KHDRBS3: variants seen among roughly 807,000 people sequenced by gnomAD.
The protein encoded by KHDRBS3 is KH domain-containing, RNA-binding, signal transduction-associated protein 3.
A neutral mutation model predicts 45.6 loss-of-function variants in KHDRBS3; 23 were observed. That is an observed-to-expected ratio of 0.50 (90% confidence interval 0.36 to 0.72). The LOEUF (loss-of-function observed/expected upper bound fraction) is 0.72. KHDRBS3 is among the 30% of genes least tolerant of loss of function. The pLI is 0.00. For synonymous variants in KHDRBS3, 162 were observed against 156.5 expected (o/e 1.04, Z -0.26); for missense variants, 352 against 424.8 (o/e 0.83, Z 1.51).
chr8:135,490,976 T>G (rs1452453094), intron 1 of KHDRBS3, among the ~76,000 whole-genome samples: 1 of 152,202 alleles, frequency 6.6e-6, no homozygotes. Context: ...GTCAGAGATA[T>G]GGGTGTTTCT....
intron 5 of KHDRBS3, among the ~76,000 whole-genome samples, chr8:135,579,447 C>T (rs1051084664): frequency 6.6e-6 from 1 of 152,190 alleles, no homozygotes; most frequent in Non-Finnish European, 1.5e-5. Context: ...AAGTAATTCT[C>T]ATGCCTCAGC....
intron 7 of KHDRBS3, among the ~76,000 whole-genome samples, chr8:135,626,808 A>AAAAG (rs1439527767): frequency 0.013 from 1,355 of 106,552 alleles, 20 homozygotes; most frequent in African/African-American, 0.06. Context: ...CGTCTCAAAA[A>AAAAG]AAAAAAAAAA....
intron 5 of KHDRBS3, among the ~76,000 whole-genome samples, chr8:135,576,068 A>T (rs529580931): frequency 4.6e-4 from 70 of 152,186 alleles, no homozygotes; most frequent in Middle Eastern, 6.8e-3. Context: ...GATTTGTCAG[A>T]TTTGTTTTCA....
chr8:135,492,615 G>C (rs547636667), intron 1 of KHDRBS3, among the ~76,000 whole-genome samples: 1 of 151,808 alleles, frequency 6.6e-6, no homozygotes, highest in Admixed American at 6.6e-5. Context: ...CCATATGTGT[G>C]TGGATCTGAT....
intron 2 of KHDRBS3, among the ~76,000 whole-genome samples, chr8:135,528,728 C>G (rs996523700): frequency 9.2e-5 from 14 of 152,162 alleles, no homozygotes; most frequent in Admixed American, 2.6e-4. Flanking sequence ...AATCTAAGAT[C>G]AAGCCACCTG....
At chr8:135,645,291 G>A (rs4373553) in intron 8 of KHDRBS3, among the ~76,000 whole-genome samples, 174 bp downstream of exon 8, 100,688 of 152,066 alleles carry the variant, frequency 0.66, 33,978 homozygotes, top group East Asian at 0.96. Context: ...ATAAATATTT[G>A]AAGAGGACTA....
At chr8:135,618,828 T>C (rs2131077638) in intron 7 of KHDRBS3, among the ~76,000 whole-genome samples, 1 of 152,342 alleles carries the variant, frequency 6.6e-6, no homozygotes, top group East Asian at 1.9e-4. Flanking sequence ...TGAGAGAATA[T>C]ACTTGAACAG....
chr8:135,630,553 C>T, intron 7 of KHDRBS3, among the ~76,000 whole-genome samples: 1 of 148,994 alleles, frequency 6.7e-6, no homozygotes, highest in Non-Finnish European at 1.5e-5. Context: ...GAAATGCATC[C>T]TTAGGTAATT....
chr8:135,457,618 C>G lies in KHDRBS3; in HGVS notation c.-249C>G, dbSNP rs1821170410. The G allele has an allele frequency of 6.8e-6, 1 of 147,002 alleles. No individual in the cohort carries two copies. The highest frequency in any genetic ancestry group is 1.5e-5 in the Non-Finnish European group (1 of 66,028). 9.1% of individuals were successfully genotyped at this position (147,002 alleles called of 1,614,324 possible). ...CGCGCCGCCCGCGCCCGCTCCTCCT[C>G]GGCCCGCGCCCGGAGCGCGGGGGCC... is the stretch of plus-strand genomic sequence containing the variant. On this transcript the variant is annotated 5_prime_UTR_variant, in exon 1 of 9. Coordinates refer to ENST00000355849, the MANE Select transcript of KHDRBS3 (RefSeq NM_006558.3). The surrounding 1 kb of genome is among the most constrained non-coding windows in gnomAD (Gnocchi z 4.4).
chr8:135,563,288 T>A (rs1827252069), intron 5 of KHDRBS3, among the ~76,000 whole-genome samples: 3 of 152,224 alleles, frequency 2.0e-5, no homozygotes, highest in Admixed American at 2.0e-4. Flanking sequence ...CTGTTGCTCC[T>A]TAAATAGACG....
chr8:135,653,581 G>C (rs1260285107), intron 4 of KHDRBS3, among the ~76,000 whole-genome samples: 2 of 152,208 alleles, frequency 1.3e-5, no homozygotes, highest in African/African-American at 4.8e-5. Context: ...GAGCCATTTT[G>C]TTTTTCACTT....
At chr8:135,520,682 A>G (rs1238744431) in intron 1 of KHDRBS3, among the ~76,000 whole-genome samples, 1 of 152,244 alleles carries the variant, frequency 6.6e-6, no homozygotes, top group Admixed American at 6.5e-5. Flanking sequence ...AGATGAAATC[A>G]TCATAACAAG....
At chr8:135,579,582 C>A (rs1828107584) in intron 5 of KHDRBS3, among the ~76,000 whole-genome samples, 1 of 152,164 alleles carries the variant, frequency 6.6e-6, no homozygotes, top group African/African-American at 2.4e-5. Flanking sequence ...AGTGATCCAC[C>A]CATGTTGGCC....
At chr8:135,614,735 CA>C (rs1247604966) in intron 7 of KHDRBS3, among the ~76,000 whole-genome samples, 2 of 151,574 alleles carry the variant, frequency 1.3e-5, no homozygotes, top group African/African-American at 2.4e-5. Context: ...AGAGTAGAGA[CA>C]GGGGTGAAAA....
intron 1 of KHDRBS3, among the ~76,000 whole-genome samples, chr8:135,483,417 G>A (rs942421187): frequency 1.3e-5 from 2 of 152,180 alleles, no homozygotes; most frequent in African/African-American, 4.8e-5. Context: ...CATGCTGGCT[G>A]TCATTGCCGT....
At chr8:135,536,018 CT>C (rs1825727888) in intron 2 of KHDRBS3, among the ~76,000 whole-genome samples, 1 of 151,976 alleles carries the variant, frequency 6.6e-6, no homozygotes, top group South Asian at 2.1e-4. Context: ...CTGTGAGTGC[CT>C]GGGGGTAGGA....
At chr8:135,536,488 T>C (rs983884336) in intron 2 of KHDRBS3, among the ~76,000 whole-genome samples, 8 of 152,118 alleles carry the variant, frequency 5.3e-5, no homozygotes, top group African/African-American at 1.9e-4. Context: ...CGCAGGACAG[T>C]CACATCGTTG....
At chr8:135,596,757 G>T (rs2130985625) in intron 6 of KHDRBS3, among the ~76,000 whole-genome samples, 1 of 152,276 alleles carries the variant, frequency 6.6e-6, no homozygotes, top group East Asian at 1.9e-4. Flanking sequence ...TTTTGTAACT[G>T]AAAAGAACTA....
chr8:135,585,757 A>C (rs2130940266), intron 6 of KHDRBS3, among the ~76,000 whole-genome samples: 1 of 152,274 alleles, frequency 6.6e-6, no homozygotes, highest in Non-Finnish European at 1.5e-5. Context: ...TCTAAGGAAA[A>C]ATTCTTTATC....
Sources: gnomAD v4.1 joint callset for allele counts (sites outside exome capture counted in the v4.1 genomes callset) on GRCh38, gnomAD v4.1.1 for gene constraint, Gnocchi (gnomAD v3.1) non-coding constraint, MANE v1.5 for transcripts, NCBI Gene and HGNC (gene_info 2026-07-23, HGNC 2026-07-21) for gene names.